Variants in ANXA3 observed in about 807,000 individuals in gnomAD.
ANXA3 encodes 35-alpha calcimedin.
Under a neutral mutation model 48.8 loss-of-function variants are expected in ANXA3, and 46 were observed. That is an observed-to-expected ratio of 0.94 (90% CI 0.74 to 1.21). The LOEUF (loss-of-function observed/expected upper bound fraction) is 1.21, where lower values mean the gene tolerates loss of function less well. Among genes scored for constraint, ANXA3 ranks in the 50% most tolerant of loss-of-function variants. The probability of loss-of-function intolerance (pLI) is 0.00; values close to 1 mark genes in which losing one functional copy is unlikely to be tolerated. For missense variants in ANXA3, 383 were observed against 378.6 expected (o/e 1.01, Z -0.10); for synonymous variants, 128 against 134.7 (o/e 0.95, Z 0.35).
chr4:78,572,081 G>C (rs1021736050), intron 2 of ANXA3, among the ~76,000 whole-genome samples: 2 of 152,230 alleles, frequency 1.3e-5, no homozygotes, highest in Admixed American at 6.5e-5. Context: ...GAGATGCCAT[G>C]ATGAGCTTTG....
At chr4:78,555,817 C>T (rs879105607) in intron 2 of ANXA3, among the ~76,000 whole-genome samples, 1 of 150,936 alleles carries the variant, frequency 6.6e-6, no homozygotes, top group Non-Finnish European at 1.5e-5. Flanking sequence ...TACCACTGTA[C>T]TCCAGCTTGG....
intron 5 of ANXA3, among the ~76,000 whole-genome samples, chr4:78,582,589 G>C (rs1723094512): frequency 6.6e-6 from 1 of 152,122 alleles, no homozygotes; most frequent in Admixed American, 6.5e-5. Context: ...TAAAAACCTA[G>C]CATTATCCTT....
intron 2 of ANXA3, among the ~76,000 whole-genome samples, chr4:78,570,354 A>G (rs544841762): frequency 6.6e-6 from 1 of 152,204 alleles, no homozygotes; most frequent in Non-Finnish European, 1.5e-5. Flanking sequence ...TCACAGCTGG[A>G]GTGCAAACCC....
intron 2 of ANXA3, among the ~76,000 whole-genome samples, chr4:78,555,317 C>T (rs1343682621): frequency 6.6e-6 from 1 of 152,172 alleles, no homozygotes; most frequent in African/African-American, 2.4e-5. Context: ...AAATATTGAT[C>T]TATTTTAACT....
intron 12 of ANXA3, among the ~76,000 whole-genome samples, chr4:78,609,061 T>G (rs1044602960): frequency 6.6e-6 from 1 of 152,158 alleles, no homozygotes; most frequent in East Asian, 1.9e-4. Flanking sequence ...CGAAGAATAT[T>G]GTCATATATT....
intron 2 of ANXA3, among the ~76,000 whole-genome samples, chr4:78,562,748 TG>T (rs1431660427): frequency 6.6e-6 from 1 of 152,164 alleles, no homozygotes; most frequent in Admixed American, 6.6e-5. Flanking sequence ...TTAAGTGCTC[TG>T]GGGAAAAGTA....
rs5948 is a variant in ANXA3, at chr4:78,597,340, T to A, written c.656T>A (p.Ile219Asn). Residue 219 changes from isoleucine to asparagine, a missense_variant, in exon 10 of 13, where the codon ATC (isoleucine) becomes AAC (asparagine). By Grantham distance (149) the Ile-to-Asn change is moderately radical (BLOSUM62 -3). Coordinates refer to ENST00000264908, the MANE Select transcript of ANXA3 (RefSeq NM_005139.3). ...LKLTFDEYRN[I>N]SQKDIVDSIK... ...TTAGCATTTGATGAATACAGAAATA[T>A]CAGCCAAAAGGACATTGTGGACAGC... The A allele has an allele frequency of 4.3e-3, 6,886 of 1,609,370 alleles. 247 individuals are homozygous for A. In the African/African-American group the frequency reaches 0.077, roughly 18 times the overall value.
intron 7 of ANXA3, among the ~76,000 whole-genome samples, chr4:78,593,298 G>A (rs1378521790): frequency 1.3e-5 from 2 of 151,942 alleles, no homozygotes; most frequent in African/African-American, 4.8e-5. Flanking sequence ...TGCCTCCCAG[G>A]TTCAAGCAAT....
At chr4:78,584,960 G>A (rs963745921) in intron 5 of ANXA3, among the ~76,000 whole-genome samples, 9 of 152,156 alleles carry the variant, frequency 5.9e-5, no homozygotes, top group Non-Finnish European at 1.3e-4. Flanking sequence ...CTGTTGGGGA[G>A]CCCCTGAGCA....
rs1486030923 is a variant in ANXA3 at position 78,579,039 on chromosome 4, A to G, written c.116A>G (p.Lys39Arg). 2.5e-6 allele frequency: 4 copies of G among 1,610,364 alleles called. No individual in the cohort carries two copies. Among genetic ancestry groups the G allele is most frequent in the Non-Finnish European group, 3.4e-6 (4 of 1,176,842 alleles). The change falls in exon 4 of 13, where the codon AAA becomes AGA. Residue 39 changes from lysine (K) to arginine (R), a missense_variant. Physicochemically the swap from Lys to Arg is conservative, Grantham distance 26. Transcript: ENST00000264908. ...TTGTTTCATTTAGGAACTGATGAGA[A>G]AATGCTCATCAGCATTCTGACTGAG... ...KAIRGIGTDE[K>R]MLISILTERS...
At chr4:78,605,976 A>G (rs1474153283) in intron 12 of ANXA3, among the ~76,000 whole-genome samples, 1 of 152,206 alleles carries the variant, frequency 6.6e-6, no homozygotes, top group Non-Finnish European at 1.5e-5. Context: ...GATGCTCCAG[A>G]CCACATATGA....
intron 7 of ANXA3, among the ~76,000 whole-genome samples, chr4:78,593,020 A>G (rs1004632169): frequency 1.3e-5 from 2 of 152,160 alleles, no homozygotes; most frequent in East Asian, 3.9e-4. Context: ...TCATTCACCT[A>G]TAATTTGCCA....
chr4:78,596,740 T>C (rs1723431193), intron 9 of ANXA3, among the ~76,000 whole-genome samples: 1 of 152,228 alleles, frequency 6.6e-6, no homozygotes, highest in Non-Finnish European at 1.5e-5. Context: ...AAATTTCTTT[T>C]TTTAAAAATG....
intron 7 of ANXA3, among the ~76,000 whole-genome samples, chr4:78,593,829 T>A (rs887448643): frequency 2.5e-5 from 3 of 120,936 alleles, no homozygotes; most frequent in South Asian, 5.3e-4. Context: ...TTTTTTTTTT[T>A]AGAGCGAGAG....
In ANXA3 at chr4:78,582,235, C is replaced by T; in HGVS notation, c.257C>T (p.Ala86Val). 1 of 1,613,656 alleles carries T rather than the reference C, an allele frequency of 6.2e-7. No homozygotes were observed. The highest frequency in any genetic ancestry group is 8.5e-7 in the Non-Finnish European group (1 of 1,179,680). The change falls in exon 5 of 13, where the codon GCC becomes GTC. Residue 86 changes from alanine to valine, a missense_variant. By Grantham distance (64) the Ala-to-Val change is moderately conservative (BLOSUM62 0). Coordinates refer to ENST00000264908, the MANE Select transcript of ANXA3 (RefSeq NM_005139.3). ...GGCCACTTTGAGCATCTCATGGTGGCCCTAGTGACTCCACCAGCAGTCTTT... is the reference window on the plus strand; with the variant it reads ...GGCCACTTTGAGCATCTCATGGTGGTCCTAGTGACTCCACCAGCAGTCTTT... ...LSGHFEHLMV[A>V]LVTPPAVFDA...
chr4:78,556,545 G>C (rs1415058195), intron 2 of ANXA3, among the ~76,000 whole-genome samples: 3 of 151,812 alleles, frequency 2.0e-5, no homozygotes, highest in Admixed American at 2.0e-4. Flanking sequence ...TATAAGTAAG[G>C]TGGAGGGCAA....
intron 7 of ANXA3, among the ~76,000 whole-genome samples, chr4:78,593,668 G>A (rs1723352960): frequency 1.4e-5 from 2 of 143,724 alleles, no homozygotes; most frequent in Non-Finnish European, 3.0e-5. Context: ...ACAGGATCTG[G>A]CTCTGTTGCC....
At chr4:78,587,732 C>A (rs6851992) in intron 6 of ANXA3, among the ~76,000 whole-genome samples, 5 of 152,068 alleles carry the variant, frequency 3.3e-5, no homozygotes, top group African/African-American at 1.2e-4. Flanking sequence ...ATTGATGTAC[C>A]AATTGGGTTC....
Position 78,579,129 on chromosome 4 carries a change from C to T in ANXA3, c.198+8C>T. On this transcript the variant is annotated splice_region_variant and intron_variant, in intron 4 of 12. Coordinates refer to ENST00000264908, the MANE Select transcript of ANXA3 (RefSeq NM_005139.3). ...CAAGCAGCATATGGAAAGGTAAGGT[C>T]ACATTAACATGACAGGCAGTAAAGA... 6.3e-7 allele frequency: 1 copy of T among 1,592,450 alleles called. No individual in the cohort carries two copies. Among genetic ancestry groups the T allele is most frequent in the Non-Finnish European group, 8.6e-7 (1 of 1,161,992 alleles).
Sources: allele counts gnomAD v4.1 joint callset (sites outside exome capture counted in the v4.1 genomes callset), GRCh38; gene constraint gnomAD v4.1.1; transcripts MANE v1.5; gene names NCBI Gene and HGNC (gene_info 2026-07-23, HGNC 2026-07-21).